Variants in LRRC1 observed in about 807,000 individuals in gnomAD.
The protein encoded by LRRC1 is leucine-rich repeat-containing protein 1.
Under a neutral mutation model 69.9 loss-of-function variants are expected in LRRC1, and 28 were observed. The observed-to-expected ratio is 0.40, with a 90% CI of 0.30 to 0.55. LRRC1 has a LOEUF of 0.55. Ranked by LOEUF, LRRC1 falls within the 20% of genes least tolerant of loss-of-function variation. LRRC1 has a pLI of 0.47. For missense variants in LRRC1, 498 were observed against 609.0 expected (o/e 0.82, Z 1.92); for synonymous variants, 236 against 240.2 (o/e 0.98, Z 0.16).
At chr6:53,834,606 G>A (rs1327381510) in intron 1 of LRRC1, among the ~76,000 whole-genome samples, 1 of 152,130 alleles carries the variant, frequency 6.6e-6, no homozygotes, top group East Asian at 1.9e-4. Flanking sequence ...CAGTATCAGG[G>A]AAGCCAGTAA....
chr6:53,841,132 C>G (rs557844701), intron 1 of LRRC1, among the ~76,000 whole-genome samples: 1 of 152,152 alleles, frequency 6.6e-6, no homozygotes, highest in African/African-American at 2.4e-5. Context: ...TTGTCTCAGT[C>G]CCCTGTTTTT....
chr6:53,922,082 A>G (rs1768757616), intron 13 of LRRC1, among the ~76,000 whole-genome samples: 2 of 152,220 alleles, frequency 1.3e-5, no homozygotes, highest in African/African-American at 4.8e-5. Context: ...AGTCTTAATT[A>G]GAAGAGTGTG....
chr6:53,879,149 T>C, intron 3 of LRRC1, 78 bp downstream of exon 3: 1 of 955,874 alleles, frequency 1.0e-6, no homozygotes, highest in Non-Finnish European at 1.6e-6. Context: ...CACAGTCAGG[T>C]TAACCATCTT....
At chr6:53,844,914 G>A (rs575756928) in intron 2 of LRRC1, among the ~76,000 whole-genome samples, 39 of 152,266 alleles carry the variant, frequency 2.6e-4, no homozygotes, top group African/African-American at 8.9e-4. Context: ...AAAAGAAAGA[G>A]TGAACCTGGG....
chr6:53,821,053 C>T (rs1432327511), intron 1 of LRRC1, among the ~76,000 whole-genome samples: 2 of 152,232 alleles, frequency 1.3e-5, no homozygotes, highest in African/African-American at 4.8e-5. Flanking sequence ...ATGAATATGT[C>T]ACTTACACCA....
intron 10 of LRRC1, among the ~76,000 whole-genome samples, 193 bp from the exon 11 acceptor site, chr6:53,913,661 A>C (rs1768480299): frequency 6.6e-6 from 1 of 152,192 alleles, no homozygotes; most frequent in African/African-American, 2.4e-5. Flanking sequence ...CATTTTGCAG[A>C]GATTTTTATG....
intron 2 of LRRC1, among the ~76,000 whole-genome samples, chr6:53,862,356 G>T (rs1042053180): frequency 6.6e-6 from 1 of 151,204 alleles, no homozygotes; most frequent in Non-Finnish European, 1.5e-5. Context: ...TGGAAGAAGA[G>T]TAAGTAAAAA....
intron 2 of LRRC1, among the ~76,000 whole-genome samples, chr6:53,855,620 C>T (rs1047296443): frequency 1.3e-5 from 2 of 152,130 alleles, no homozygotes. Flanking sequence ...TTGTGGTGTG[C>T]CTGTTTACCT....
chr6:53,894,134 A>G (rs907292563), intron 4 of LRRC1, among the ~76,000 whole-genome samples: 2 of 152,248 alleles, frequency 1.3e-5, no homozygotes, highest in African/African-American at 4.8e-5. Context: ...TGCCTCAGTC[A>G]GTGAGGGTGA....
intron 2 of LRRC1, among the ~76,000 whole-genome samples, chr6:53,852,278 G>A (rs1159530629): frequency 6.6e-6 from 1 of 152,164 alleles, no homozygotes; most frequent in East Asian, 1.9e-4. Flanking sequence ...TGAACACTCC[G>A]TATAGATGCT....
In LRRC1 at chr6:53,909,524, T is replaced by A. The variant is rs200319283; in HGVS notation, c.991-4330T>A. Among the ~76,000 whole-genome samples, 5 of 152,288 alleles carry A rather than the reference T, an allele frequency of 3.3e-5. No homozygotes were observed. The East Asian group carries it at 9.6e-4, about 29-fold the overall frequency. On this transcript the variant is annotated intron_variant, in intron 10 of 13. Coordinates refer to ENST00000370888, the MANE Select transcript of LRRC1 (RefSeq NM_018214.5). ...TACTGATTATCCCTTTGTGGTAAGA[T>A]TTGATTTTTTTTCATTGTGCTTTCC... is the stretch of plus-strand genomic sequence containing the variant.
At chr6:53,918,132 C>T (rs1039642362) in intron 11 of LRRC1, among the ~76,000 whole-genome samples, 2 of 152,336 alleles carry the variant, frequency 1.3e-5, no homozygotes, top group East Asian at 3.9e-4. Context: ...ATGTATTTCT[C>T]ACCTAATATT....
intron 1 of LRRC1, among the ~76,000 whole-genome samples, chr6:53,829,126 G>A (rs1327623496): frequency 6.6e-6 from 1 of 152,202 alleles, no homozygotes; most frequent in African/African-American, 2.4e-5. Flanking sequence ...GGGCTCCACA[G>A]TGCACCTTCT....
chr6:53,876,323 C>A (rs1767068507), intron 2 of LRRC1, among the ~76,000 whole-genome samples: 1 of 152,180 alleles, frequency 6.6e-6, no homozygotes, highest in African/African-American at 2.4e-5. Context: ...CCTCCCACAA[C>A]ACATGGGAAT....
intron 10 of LRRC1, among the ~76,000 whole-genome samples, chr6:53,907,043 C>G (rs1184428059): frequency 2.6e-5 from 4 of 152,216 alleles, no homozygotes; most frequent in African/African-American, 9.7e-5. Context: ...AGCCTCCTGA[C>G]CTCTCATTGC....
chr6:53,892,011 T>TACACACACAC (rs70980877), intron 4 of LRRC1, among the ~76,000 whole-genome samples: 3,132 of 135,190 alleles, frequency 0.023, 54 homozygotes, highest in South Asian at 0.032. Flanking sequence ...TATATATATA[T>TACACACACAC]ACACACACAC....
chr6:53,809,685 C>G (rs1278123601), intron 1 of LRRC1, among the ~76,000 whole-genome samples: 1 of 152,152 alleles, frequency 6.6e-6, no homozygotes, highest in Non-Finnish European at 1.5e-5. Flanking sequence ...CAAGGTAAAT[C>G]TGGTCCAAGA....
At chr6:53,857,544 G>A (rs1389164390) in intron 2 of LRRC1, among the ~76,000 whole-genome samples, 2 of 152,182 alleles carry the variant, frequency 1.3e-5, no homozygotes, top group Non-Finnish European at 2.9e-5. Context: ...AGAAACTTGA[G>A]TAAGAGACTG....
intron 1 of LRRC1, among the ~76,000 whole-genome samples, chr6:53,818,242 G>A (rs935181084): frequency 6.6e-6 from 1 of 152,070 alleles, no homozygotes; most frequent in African/African-American, 2.4e-5. Context: ...TGAATGATAC[G>A]GCTTTTTTGG....
Sources: allele counts gnomAD v4.1 joint callset (sites outside exome capture counted in the v4.1 genomes callset), GRCh38; gene constraint gnomAD v4.1.1; transcripts MANE v1.5; gene names NCBI Gene and HGNC (gene_info 2026-07-23, HGNC 2026-07-21).